The following FBXO47 variants were observed in gnomAD, a reference collection of about 807,000 sequenced individuals.
FBXO47 encodes F-box only protein 47.
In FBXO47, 34 loss-of-function variants were observed where a neutral mutation model predicts 53.9. The ratio of observed to expected loss-of-function variants is 0.63; its 90% CI spans 0.48 to 0.84. FBXO47 has a LOEUF of 0.84. Among genes scored for constraint, FBXO47 ranks in the 40% least tolerant of loss-of-function variants. FBXO47 has a pLI of 0.00. For synonymous variants in FBXO47, 165 were observed against 181.6 expected, an observed-to-expected ratio of 0.91 and a Z score of 0.73; for missense variants, 485 against 541.3, an observed-to-expected ratio of 0.90 and a Z score of 1.03.
intron 6 of FBXO47, among the ~76,000 whole-genome samples, chr17:38,946,107 T>C (rs1029392018): frequency 3.2e-5 from 4 of 124,024 alleles, no homozygotes; most frequent in South Asian, 2.4e-4. Flanking sequence ...TATTTATATA[T>C]AAATACATAA....
At chr17:38,945,964 TAAATATATAAATATATATAC>T (rs1436166288) in intron 6 of FBXO47, among the ~76,000 whole-genome samples, 11 of 132,010 alleles carry the variant, frequency 8.3e-5, no homozygotes, top group Admixed American at 7.8e-4. Flanking sequence ...TATATATATA[TAAATATATAAATATATATAC>T]AAATATATAA....
chr17:38,946,951 TA>T (rs1191931778), intron 6 of FBXO47, among the ~76,000 whole-genome samples: 3 of 121,876 alleles, frequency 2.5e-5, no homozygotes, highest in Non-Finnish European at 3.2e-5. Flanking sequence ...TAAACATATA[TA>T]AATATATAAA....
chr17:38,941,833 G>A (rs534747181), intron 9 of FBXO47, among the ~76,000 whole-genome samples: 50 of 150,904 alleles, frequency 3.3e-4, no homozygotes, highest in Non-Finnish European at 2.1e-4. Flanking sequence ...CCAACACACC[G>A]AGCTAATTTT....
At chr17:38,957,650 T>C (rs1905615943) in intron 3 of FBXO47, among the ~76,000 whole-genome samples, 1 of 151,964 alleles carries the variant, frequency 6.6e-6, no homozygotes, top group Non-Finnish European at 1.5e-5. Context: ...GAATATGTTT[T>C]AAGAGTTGTT....
chr17:38,964,400 A>T (rs528139282), intron 1 of FBXO47, among the ~76,000 whole-genome samples: 1 of 152,302 alleles, frequency 6.6e-6, no homozygotes, highest in East Asian at 1.9e-4. Context: ...GTTCGAGACC[A>T]GCCTGGCCAA....
At chr17:38,941,102 A>G (rs968794890) in intron 9 of FBXO47, among the ~76,000 whole-genome samples, 1 of 151,680 alleles carries the variant, frequency 6.6e-6, no homozygotes, top group East Asian at 1.9e-4. Flanking sequence ...TTCCCACTTC[A>G]GCTCCTGAGT....
intron 6 of FBXO47, among the ~76,000 whole-genome samples, chr17:38,951,349 C>T (rs1211265091): frequency 6.6e-6 from 1 of 151,992 alleles, no homozygotes; most frequent in African/African-American, 2.4e-5. Context: ...CACACACCAC[C>T]ATGCCTGGAT....
chr17:38,957,371 G>A (rs1211548958), intron 3 of FBXO47, 118 bp from the exon 4 acceptor site: 1 of 640,456 alleles, frequency 1.6e-6, no homozygotes, highest in African/African-American at 1.8e-5. Flanking sequence ...ACTATGAGTT[G>A]ATATGATTTC....
At chr17:38,965,698 CCCTTCT>C (rs1906071598) in intron 1 of FBXO47, among the ~76,000 whole-genome samples, 1 of 126,072 alleles carries the variant, frequency 7.9e-6, no homozygotes, top group Non-Finnish European at 1.7e-5. Context: ...ACGGTGAAAC[CCCTTCT>C]CTACTAAAAA....
chr17:38,951,472 G>T, intron 6 of FBXO47, 109 bp downstream of exon 6: 2 of 741,362 alleles, frequency 2.7e-6, no homozygotes, highest in Non-Finnish European at 4.2e-6. Flanking sequence ...GGGATTTTAG[G>T]CATGAGCCAC....
intron 9 of FBXO47, among the ~76,000 whole-genome samples, chr17:38,940,769 G>A (rs769791673): frequency 2.0e-5 from 3 of 151,810 alleles, no homozygotes; most frequent in Admixed American, 6.6e-5. Context: ...TCAAACTCCT[G>A]GGCTCAAGTG....
At chr17:38,949,076 A>T (rs918342662) in intron 6 of FBXO47, among the ~76,000 whole-genome samples, 1 of 152,096 alleles carries the variant, frequency 6.6e-6, no homozygotes, top group Non-Finnish European at 1.5e-5. Context: ...ATTGATGGAC[A>T]TCTGAGTTGT....
intron 8 of FBXO47, 102 bp downstream of exon 8, chr17:38,943,488 A>G: frequency 1.5e-6 from 1 of 686,928 alleles, no homozygotes; most frequent in South Asian, 3.0e-5. Flanking sequence ...GTGATTTCCA[A>G]CAGGCACATC....
rs1380811668 is a variant in FBXO47, at chr17:38,961,991, T to A, written c.238A>T (p.Asn80Tyr). Residue 80 changes from asparagine to tyrosine, a missense_variant, in exon 3 of 11, where the codon AAT becomes TAT. Coordinates refer to ENST00000378079, the MANE Select transcript of FBXO47 (RefSeq NM_001008777.3). Reference protein sequence around the residue: ...VSKTVSQHIINYISTSSGSKR... With the variant: ...VSKTVSQHIIYYISTSSGSKR... The stretch of plus-strand genomic sequence containing the variant: ...CTTCCTGATGAGGTTGAGATATAAT[T>A]AATAATGTGTTGGCTGACTGTTTTG... 6.2e-7 allele frequency: 1 copy of A among 1,613,974 alleles called. No individual in the cohort carries two copies. The highest frequency in any genetic ancestry group is 8.5e-7 in the Non-Finnish European group (1 of 1,179,964).
chr17:38,948,675 G>A (rs750356005), intron 6 of FBXO47, among the ~76,000 whole-genome samples: 1 of 151,752 alleles, frequency 6.6e-6, no homozygotes, highest in Non-Finnish European at 1.5e-5. Context: ...AGAGGTACAT[G>A]TGCAAGATGT....
chr17:38,958,023 G>T (rs1369598227), intron 3 of FBXO47, among the ~76,000 whole-genome samples: 1 of 152,006 alleles, frequency 6.6e-6, no homozygotes, highest in Admixed American at 6.6e-5. Flanking sequence ...TAGTGACGAG[G>T]TTTCACCATG....
At chr17:38,965,120 G>A (rs1906037627) in intron 1 of FBXO47, among the ~76,000 whole-genome samples, 1 of 152,212 alleles carries the variant, frequency 6.6e-6, no homozygotes, top group African/African-American at 2.4e-5. Context: ...AAAGTGCTGG[G>A]ATTACAGGCG....
intron 3 of FBXO47, among the ~76,000 whole-genome samples, chr17:38,958,988 C>T (rs1409637156): frequency 6.6e-6 from 1 of 152,002 alleles, no homozygotes; most frequent in African/African-American, 2.4e-5. Flanking sequence ...TCTTAGAATT[C>T]TACTCCTGGG....
At chr17:38,945,179 C>G in intron 6 of FBXO47, 43 bp from the exon 7 acceptor site, 2 of 1,450,236 alleles carry the variant, frequency 1.4e-6, no homozygotes, top group Non-Finnish European at 1.9e-6. Context: ...CGTAGAAAGG[C>G]TGCTGTGCAT....
Sources: gnomAD v4.1 joint callset for allele counts (sites outside exome capture counted in the v4.1 genomes callset) on GRCh38, gnomAD v4.1.1 for gene constraint, MANE v1.5 for transcripts, NCBI Gene and HGNC (gene_info 2026-07-23, HGNC 2026-07-21) for gene names.